Variants in TCAIM observed in about 807,000 individuals in gnomAD.
TCAIM encodes the protein T cell activation inhibitor, mitochondrial.
In TCAIM, 36 loss-of-function variants were observed where a neutral mutation model predicts 58.6. That is an observed-to-expected ratio of 0.61 (90% CI 0.47 to 0.81). The LOEUF is 0.81. TCAIM is among the 30% of genes least tolerant of loss of function. The probability of loss-of-function intolerance (pLI) is 0.00; values close to 1 mark genes in which losing one functional copy is unlikely to be tolerated. For synonymous variants in TCAIM, 172 were observed against 193.6 expected, an observed-to-expected ratio of 0.89 and a Z score of 0.93; for missense variants, 466 against 579.6, an observed-to-expected ratio of 0.80 and a Z score of 2.01.
In TCAIM at chr3:44,350,452, G is replaced by C. The variant is rs557648866; in HGVS notation, c.-44-4287G>C. Among the ~76,000 whole-genome samples, 10 of 150,372 alleles carry C rather than the reference G, an allele frequency of 6.7e-5. No homozygotes were observed. In the East Asian group the frequency reaches 1.8e-3, roughly 26 times the overall value. On this transcript the variant is annotated intron_variant, in intron 1 of 10. Coordinates refer to ENST00000342649, the MANE Select transcript of TCAIM (RefSeq NM_173826.4). ...CATTTTCTTTCTTTTTTTTTTTTGAGGCAGGGGTCTTGCTCTGTCTCCCAG... is the reference window on the plus strand; with the variant it reads ...CATTTTCTTTCTTTTTTTTTTTTGACGCAGGGGTCTTGCTCTGTCTCCCAG...
In TCAIM at chr3:44,408,351, A is replaced by G. The variant is rs995334104; in HGVS notation, c.*669A>G. The G allele has an allele frequency of 6.6e-6, 1 of 152,236 alleles. No homozygotes were observed. The highest frequency in any genetic ancestry group is 1.5e-5 in the Non-Finnish European group (1 of 68,050). 9.4% of individuals were successfully genotyped at this position (152,236 alleles called of 1,614,324 possible). On this transcript the variant is annotated 3_prime_UTR_variant, in exon 11 of 11. Coordinates refer to ENST00000342649, the MANE Select transcript of TCAIM (RefSeq NM_173826.4). The stretch of plus-strand genomic sequence containing the variant: ...GCCAGTAATTGACAGTTAATGTCCA[A>G]AACAGGTGATTGATAGGTAACAGAA...
At chr3:44,357,549 A>G (rs925349242) in intron 2 of TCAIM, among the ~76,000 whole-genome samples, 192 bp from the exon 3 acceptor site, 2 of 152,222 alleles carry the variant, frequency 1.3e-5, no homozygotes, top group Non-Finnish European at 2.9e-5. Context: ...TGCACCAGAA[A>G]AATTTATAAC....
At chr3:44,345,166 C>G (rs1376090638) in intron 1 of TCAIM, among the ~76,000 whole-genome samples, 2 of 151,896 alleles carry the variant, frequency 1.3e-5, no homozygotes, top group African/African-American at 4.8e-5. Flanking sequence ...GGCGTGGGAA[C>G]CTAGAGTGGG....
Position 44,358,739 on chromosome 3 carries a change from A to C in TCAIM, c.165+863A>C, listed in dbSNP as rs143483270. The C allele has an allele frequency of 1.0e-3, 984 of 985,812 alleles. 11 individuals are homozygous for C. In the African/African-American group the frequency reaches 0.015, roughly 15 times the overall value. The allele number at this position is 985,812 out of a possible 1,614,324, so 61.1% of individuals were successfully genotyped here. A position where few individuals can be genotyped will look rare whatever the true frequency, so the allele number is the denominator to read the frequency against. On this transcript the variant is annotated intron_variant, in intron 3 of 10. Transcript: ENST00000342649. Reference sequence around the variant, plus strand: ...ACCAAGGGACTGCTATGTATTACAAAGCCACATGCTTTGGAATTACTTCAG... The same window carrying C: ...ACCAAGGGACTGCTATGTATTACAACGCCACATGCTTTGGAATTACTTCAG...
chr3:44,384,499 C>T (rs9819635), intron 5 of TCAIM, among the ~76,000 whole-genome samples: 76,777 of 151,994 alleles, frequency 0.51, 20,240 homozygotes, highest in East Asian at 0.81. Context: ...ACTTAAGACA[C>T]GTAGAGATAA....
chr3:44,350,529 G>T (rs528620866), intron 1 of TCAIM, among the ~76,000 whole-genome samples: 1 of 151,762 alleles, frequency 6.6e-6, no homozygotes, highest in Non-Finnish European at 1.5e-5. Context: ...ACTTCCCAGA[G>T]TCAAGCCATC....
chr3:44,351,617 C>T (rs1399236993), intron 1 of TCAIM, among the ~76,000 whole-genome samples: 3 of 152,034 alleles, frequency 2.0e-5, no homozygotes, highest in Non-Finnish European at 4.4e-5. Flanking sequence ...GCCTCAGCCT[C>T]CCAAGTAGCT....
intron 6 of TCAIM, among the ~76,000 whole-genome samples, chr3:44,395,265 A>T (rs1202620786): frequency 2.0e-5 from 3 of 152,096 alleles, no homozygotes; most frequent in African/African-American, 7.2e-5. Context: ...TTAAAGAAAA[A>T]AACAATTTTT....
At chr3:44,345,513 G>T (rs145676677) in intron 1 of TCAIM, among the ~76,000 whole-genome samples, 1 of 152,164 alleles carries the variant, frequency 6.6e-6, no homozygotes, top group Non-Finnish European at 1.5e-5. Context: ...AACACTCTTC[G>T]TTTAATATAC....
At chr3:44,398,286 C>T (rs1198854171) in intron 8 of TCAIM, among the ~76,000 whole-genome samples, 4 of 151,882 alleles carry the variant, frequency 2.6e-5, no homozygotes, top group African/African-American at 9.7e-5. Context: ...AATAAAAAGC[C>T]GGGCATGGTG....
In TCAIM at chr3:44,385,182, A is replaced by G. The variant is rs569176904; in HGVS notation, c.573-7673A>G. Among the ~76,000 whole-genome samples the G allele has an allele frequency of 2.2e-4, 33 of 152,334 alleles. 1 individual carries two copies. The Middle Eastern group carries it at 0.024, about 110-fold the overall frequency. On this transcript the variant is annotated intron_variant, in intron 5 of 10. Transcript: ENST00000342649. ...GAATTTTATTAGTCAAGAGTTTTTGATTGCCAACAAAAGAAACCAGCCCTA... is the reference window on the plus strand; with the variant it reads ...GAATTTTATTAGTCAAGAGTTTTTGGTTGCCAACAAAAGAAACCAGCCCTA...
intron 2 of TCAIM, 38 bp from the exon 3 acceptor site, chr3:44,357,702 AG>A (rs1456447813): frequency 6.2e-7 from 1 of 1,605,374 alleles, no homozygotes; most frequent in East Asian, 2.2e-5. Context: ...TGTGTGTGTG[AG>A]TGCCTCAATG....
intron 5 of TCAIM, among the ~76,000 whole-genome samples, chr3:44,382,045 A>G (rs1413200191): frequency 6.6e-6 from 1 of 152,234 alleles, no homozygotes; most frequent in African/African-American, 2.4e-5. Flanking sequence ...TAAGATGTCA[A>G]TACCCAAAGC....
intron 5 of TCAIM, among the ~76,000 whole-genome samples, chr3:44,369,456 T>C (rs968137078): frequency 6.6e-6 from 1 of 152,196 alleles, no homozygotes; most frequent in Non-Finnish European, 1.5e-5. Context: ...TGTGGTTCAG[T>C]TGAGTATTTC....
chr3:44,380,635 A>C (rs1247721343), intron 5 of TCAIM, among the ~76,000 whole-genome samples: 2 of 152,078 alleles, frequency 1.3e-5, no homozygotes, highest in African/African-American at 2.4e-5. Context: ...GGAGGGAAAT[A>C]ATAAAGATTA....
intron 10 of TCAIM, among the ~76,000 whole-genome samples, chr3:44,402,132 C>T (rs771259111): frequency 3.6e-4 from 54 of 152,096 alleles, no homozygotes; most frequent in Non-Finnish European, 7.1e-4. Flanking sequence ...AGGCCGTGCA[C>T]AGTGGCTCAA....
At chr3:44,396,895 T>A in intron 8 of TCAIM, 61 bp downstream of exon 8, 1 of 1,508,728 alleles carries the variant, frequency 6.6e-7, no homozygotes, top group Non-Finnish European at 9.1e-7. Flanking sequence ...TTTCCAACAA[T>A]GCTGTAATGT....
intron 2 of TCAIM, among the ~76,000 whole-genome samples, chr3:44,356,370 T>C (rs1701190696): frequency 6.6e-6 from 1 of 151,992 alleles, no homozygotes; most frequent in Admixed American, 6.6e-5. Flanking sequence ...CTACTAAAAA[T>C]GCAAAAATTA....
intron 5 of TCAIM, among the ~76,000 whole-genome samples, chr3:44,369,162 C>A (rs955566961): frequency 7.2e-5 from 11 of 152,198 alleles, no homozygotes. Context: ...AAGTAGATTT[C>A]TCTGAGCACA....
Sources: gnomAD v4.1 joint callset for allele counts (sites outside exome capture counted in the v4.1 genomes callset) on GRCh38, gnomAD v4.1.1 for gene constraint, MANE v1.5 for transcripts, NCBI Gene and HGNC (gene_info 2026-07-23, HGNC 2026-07-21) for gene names.